ZNF561: variants seen among roughly 807,000 people sequenced by gnomAD.
ZNF561 encodes zinc finger protein 561.
In ZNF561, 16 loss-of-function variants were observed where a neutral mutation model predicts 16.7. The observed-to-expected ratio is 0.96, with a 90% confidence interval of 0.65 to 1.45. The LOEUF (loss-of-function observed/expected upper bound fraction) is 1.45, where lower values mean the gene tolerates loss of function less well. ZNF561 is among the 40% of genes most tolerant of loss of function. The pLI is 0.00. For missense variants in ZNF561, 580 were observed against 578.0 expected (o/e 1.00, Z -0.04); for synonymous variants, 190 against 192.1 (o/e 0.99, Z 0.09).
intron 3 of ZNF561, 155 bp downstream of exon 3, chr19:9,617,936 T>G (rs1011228718): frequency 2.8e-6 from 2 of 702,396 alleles, no homozygotes; most frequent in Non-Finnish European, 4.9e-6. Flanking sequence ...TATAGGAGAC[T>G]TCATTCCCTG....
At position 9,610,711 on chromosome 19, in the gene ZNF561, GC is replaced by G; in HGVS notation, c.949del (p.Ala317ProfsTer12). 1 of 1,614,132 alleles carries G rather than the reference GC, an allele frequency of 6.2e-7. No individual in the cohort carries two copies. The highest frequency in any genetic ancestry group is 1.1e-5 in the South Asian group (1 of 91,084). ...AGTAAGTTGAGTTGATCTAGTGAAG[GC>G]TTTCCCACAGTAAGTACACTTGTGT... ...KPHKCTYCGK[A>X]FTRSTQLTEH... is the part of the protein sequence containing the mutation. On this transcript the variant is annotated frameshift_variant, in exon 6 of 6. Coordinates refer to ENST00000302851, the MANE Select transcript of ZNF561 (RefSeq NM_152289.3). LOFTEE classifies it low-confidence loss of function (END_TRUNC).
chr19:9,617,571 ACTG>A (rs1333181674), intron 3 of ZNF561: 5 of 414,518 alleles, frequency 1.2e-5, no homozygotes, highest in Non-Finnish European at 2.5e-5. Flanking sequence ...CCCAGGCACA[ACTG>A]CTGATTACTA....
intron 5 of ZNF561, among the ~76,000 whole-genome samples, chr19:9,613,698 G>C (rs1277495799): frequency 6.6e-6 from 1 of 152,032 alleles, no homozygotes; most frequent in Non-Finnish European, 1.5e-5. Context: ...TGTATTCTTA[G>C]TAGAGATGGA....
At chr19:9,619,946 C>CTATCTATCTATCT (rs568032702) in intron 1 of ZNF561, among the ~76,000 whole-genome samples, 20 of 151,324 alleles carry the variant, frequency 1.3e-4, no homozygotes, top group African/African-American at 4.9e-4. Context: ...ATCTATCTAT[C>CTATCTATCTATCT]GAGACAGGGT....
intron 1 of ZNF561, among the ~76,000 whole-genome samples, chr19:9,619,996 A>T (rs1231059232): frequency 6.6e-6 from 1 of 151,316 alleles, no homozygotes; most frequent in Non-Finnish European, 1.5e-5. Context: ...TGGCACTAAC[A>T]CAACTCTCTG....
chr19:9,619,845 ATCTATATC>A (rs1197564909), intron 1 of ZNF561, among the ~76,000 whole-genome samples: 4 of 147,916 alleles, frequency 2.7e-5, no homozygotes, highest in African/African-American at 1.0e-4. Flanking sequence ...ACCTCTATCT[ATCTATATC>A]TATCTATATT....
chr19:9,617,928 T>C (rs2074587626), intron 3 of ZNF561, 163 bp downstream of exon 3: 3 of 666,064 alleles, frequency 4.5e-6, no homozygotes, highest in South Asian at 3.3e-5. Flanking sequence ...ATTTTATGTA[T>C]AGGAGACTTC....
At position 9,608,914 on chromosome 19, in the gene ZNF561, A is replaced by C. The variant is rs2074396966; in HGVS notation, c.*1286T>G. 2.0e-5 allele frequency: 3 copies of C among 152,122 alleles called. No homozygotes were observed. Among genetic ancestry groups the C allele is most frequent in the African/African-American group, 2.4e-5 (1 of 41,414 alleles). 9.4% of individuals were successfully genotyped at this position (152,122 alleles called of 1,614,324 possible). A position where few individuals can be genotyped will look rare whatever the true frequency, so the allele number is the denominator to read the frequency against. ...AACAGGCCCCCCAAATTTGGACATA[A>C]ACAGGCCATGAGAAACTGCCCATAA... is the stretch of plus-strand genomic sequence containing the variant. On this transcript the variant is annotated 3_prime_UTR_variant, in exon 6 of 6. Coordinates refer to ENST00000302851, the MANE Select transcript of ZNF561 (RefSeq NM_152289.3).
In ZNF561 at chr19:9,610,687, G is replaced by A; in HGVS notation, c.974C>T (p.Thr325Ile). 1 of 1,614,096 alleles carries A rather than the reference G, an allele frequency of 6.2e-7. No homozygotes were observed. The highest frequency in any genetic ancestry group is 8.5e-7 in the Non-Finnish European group (1 of 1,180,022). The change falls in exon 6 of 6, where the codon ACT becomes ATT. Residue 325 changes from threonine (T) to isoleucine (I), a missense_variant. Thr to Ile is a moderately conservative substitution (Grantham distance 89). Coordinates refer to ENST00000302851, the MANE Select transcript of ZNF561 (RefSeq NM_152289.3). ...GKAFTRSTQL[T>I]EHVRTHTGIK... ...TCCAGTGTGAGTTCTTACATGTTCA[G>A]TAAGTTGAGTTGATCTAGTGAAGGC...
chr19:9,612,154 C>A (rs888987780), intron 5 of ZNF561, among the ~76,000 whole-genome samples: 1 of 152,088 alleles, frequency 6.6e-6, no homozygotes, highest in African/African-American at 2.4e-5. Context: ...TTTTGAACCC[C>A]TGACCTCAGA....
At chr19:9,618,803 C>A (rs553444645) in intron 2 of ZNF561, among the ~76,000 whole-genome samples, 1 of 151,714 alleles carries the variant, frequency 6.6e-6, no homozygotes, top group Non-Finnish European at 1.5e-5. Context: ...CTAAGGTACA[C>A]AAACCAGGGC....
chr19:9,612,342 C>T (rs894653117), intron 5 of ZNF561, among the ~76,000 whole-genome samples: 3 of 152,138 alleles, frequency 2.0e-5, no homozygotes, highest in African/African-American at 4.8e-5. Flanking sequence ...GCATCAGCCT[C>T]GCGAATAGCT....
intron 5 of ZNF561, among the ~76,000 whole-genome samples, chr19:9,613,779 A>G (rs1047455959): frequency 7.9e-5 from 12 of 152,110 alleles, no homozygotes; most frequent in African/African-American, 2.9e-4. Flanking sequence ...GGCCTCCCAA[A>G]ATGTTGGGAT....
intron 1 of ZNF561, among the ~76,000 whole-genome samples, chr19:9,619,946 C>CTATCTATCTATCTATCTATCTATCTATT (rs568032702): frequency 6.6e-6 from 1 of 151,324 alleles, no homozygotes; most frequent in Non-Finnish European, 1.5e-5. Flanking sequence ...ATCTATCTAT[C>CTATCTATCTATCTATCTATCTATCTATT]GAGACAGGGT....
At chr19:9,616,225 T>C (rs58824384) in intron 4 of ZNF561, among the ~76,000 whole-genome samples, 22 of 152,346 alleles carry the variant, frequency 1.4e-4, no homozygotes, top group African/African-American at 5.3e-4. Flanking sequence ...AGCAAGCATG[T>C]AACATACATC....
intron 4 of ZNF561, among the ~76,000 whole-genome samples, chr19:9,616,574 A>G (rs959842046): frequency 2.0e-5 from 3 of 149,934 alleles, no homozygotes; most frequent in African/African-American, 7.4e-5. Context: ...AGCCACCACA[A>G]CCGGCCTAGT....
chr19:9,616,001 T>G (rs1298569940), intron 4 of ZNF561, among the ~76,000 whole-genome samples: 1 of 152,220 alleles, frequency 6.6e-6, no homozygotes, highest in Non-Finnish European at 1.5e-5. Flanking sequence ...TCACCTTCAG[T>G]GATTCTGAAA....
chr19:9,610,953 A>C lies in ZNF561; in HGVS notation c.708T>G (p.Ala236=), dbSNP rs1489580611. The C allele has an allele frequency of 6.2e-7, 1 of 1,614,182 alleles. No homozygotes were observed. Among genetic ancestry groups the C allele is most frequent in the Non-Finnish European group, 8.5e-7 (1 of 1,180,034 alleles). The part of the protein sequence containing the change: ...EFQEYGRAVT[A]SSHLKQCVAV... ...CTACACACTGCTTTAGGTGTGAAGA[A>C]GCTGTGACAGCTCTCCCATATTCCT... The change falls in exon 6 of 6, where the codon GCT becomes GCG. Residue 236 remains alanine (A), a synonymous_variant. Transcript: ENST00000302851.
rs1460137382 is a variant in ZNF561 at position 9,618,110 on chromosome 19, T to A, written c.95A>T (p.Tyr32Phe). 6.4e-7 allele frequency: 1 copy of A among 1,551,162 alleles called. No homozygotes were observed. The highest frequency in any genetic ancestry group is 8.7e-7 in the Non-Finnish European group (1 of 1,146,684). ...GCTTACCTGATAACCACTTGCCAGG[T>A]AGTCCTCCACCATCCTTTCTACCTT... ...KTKVERMVED[Y>F]LASGYQDSVT... Residue 32 changes from tyrosine to phenylalanine, a missense_variant, in exon 3 of 6, where the codon TAC becomes TTC. Tyr to Phe is a conservative substitution (Grantham distance 22, BLOSUM62 3). Coordinates refer to ENST00000302851, the MANE Select transcript of ZNF561 (RefSeq NM_152289.3).
Sources: allele counts gnomAD v4.1 joint callset (sites outside exome capture counted in the v4.1 genomes callset), GRCh38; gene constraint gnomAD v4.1.1; transcripts MANE v1.5; gene names NCBI Gene and HGNC (gene_info 2026-07-23, HGNC 2026-07-21).